Variants in RRBP1 observed in about 807,000 individuals in gnomAD.
The protein encoded by RRBP1 is ribosome-binding protein 1.
A neutral mutation model predicts 165.2 loss-of-function variants in RRBP1; 94 were observed. The observed-to-expected ratio is 0.57, with a 90% CI of 0.48 to 0.68. The LOEUF is 0.68. Ranked by LOEUF, RRBP1 falls within the 30% of genes least tolerant of loss-of-function variation. The pLI is 0.00. For missense variants in RRBP1, 1,676 were observed against 1,763.0 expected, an observed-to-expected ratio of 0.95 and a Z score of 0.88; for synonymous variants, 680 against 714.5, an observed-to-expected ratio of 0.95 and a Z score of 0.77.
intron 22 of RRBP1, 110 bp from the exon 23 acceptor site, chr20:17,615,639 G>C (rs1320402289): frequency 1.3e-6 from 1 of 759,666 alleles, no homozygotes; most frequent in Non-Finnish European, 2.1e-6. Context: ...GCCTGATGGA[G>C]CAACAGCTCC....
At chr20:17,630,090 G>T in intron 8 of RRBP1, 129 bp from the exon 9 acceptor site, 1 of 958,896 alleles carries the variant, frequency 1.0e-6, no homozygotes, top group Non-Finnish European at 1.5e-6. Context: ...CATGTGGGAA[G>T]GAAATGCATC....
Position 17,643,217 on chromosome 20 carries a change from T to A in RRBP1, c.1913-90A>T. On this transcript the variant is annotated intron_variant, in intron 3 of 24. Transcript: ENST00000377813. The surrounding 1 kb of genome is among the most constrained non-coding windows in gnomAD (Gnocchi z 4.3). ...GCCCATCACACCAAGAAGGTTCTGGTCACAGCCACGAAGAGCTCTCTGACT... is the reference window on the plus strand; with the variant it reads ...GCCCATCACACCAAGAAGGTTCTGGACACAGCCACGAAGAGCTCTCTGACT... 1 of 1,401,198 alleles carries A rather than the reference T, an allele frequency of 7.1e-7. No individual in the cohort carries two copies. Among genetic ancestry groups the A allele is most frequent in the South Asian group, 1.3e-5 (1 of 77,290 alleles). The allele number at this position is 1,401,198 out of a possible 1,614,324, so 86.8% of individuals were successfully genotyped here. A position where few individuals can be genotyped will look rare whatever the true frequency, so the allele number is the denominator to read the frequency against.
chr20:17,621,426 G>C, intron 16 of RRBP1, 32 bp downstream of exon 16: 1 of 1,562,852 alleles, frequency 6.4e-7, no homozygotes, highest in Non-Finnish European at 8.8e-7. Flanking sequence ...AGCCTCCCAG[G>C]GATGCCCAGC....
intron 3 of RRBP1, among the ~76,000 whole-genome samples, chr20:17,651,826 T>A (rs545608154): frequency 6.6e-6 from 1 of 152,248 alleles, no homozygotes; most frequent in Non-Finnish European, 1.5e-5. Flanking sequence ...AATACAGCCA[T>A]GGACAAGTGG....
At chr20:17,618,742 CG>C in intron 19 of RRBP1, 63 bp from the exon 20 acceptor site, 1 of 1,262,366 alleles carries the variant, frequency 7.9e-7, no homozygotes, top group Non-Finnish European at 1.2e-6. Flanking sequence ...AACCAGTCCC[CG>C]TGAGTTAGCG....
intron 1 of RRBP1, 119 bp downstream of exon 1, chr20:17,681,909 G>T (rs972488387): frequency 1.4e-4 from 21 of 147,534 alleles, no homozygotes; most frequent in Non-Finnish European, 2.7e-4. Context: ...CGGGCGGCGG[G>T]CGGGCCGGGG....
intron 5 of RRBP1, among the ~76,000 whole-genome samples, chr20:17,638,365 G>A (rs1375843964): frequency 1.3e-5 from 2 of 152,222 alleles, no homozygotes; most frequent in African/African-American, 4.8e-5. Context: ...GGCTGGTTGG[G>A]AAGCCACACT....
At chr20:17,679,672 G>C (rs1301410083) in intron 2 of RRBP1, among the ~76,000 whole-genome samples, 1 of 152,196 alleles carries the variant, frequency 6.6e-6, no homozygotes, top group Non-Finnish European at 1.5e-5. Flanking sequence ...GCAGCCTGTT[G>C]AGTTAGGGCT....
chr20:17,672,138 C>T (rs185237501), intron 2 of RRBP1, among the ~76,000 whole-genome samples: 138 of 152,246 alleles, frequency 9.1e-4, no homozygotes, highest in Non-Finnish European at 1.7e-3. Context: ...TAGAGGTGGG[C>T]AGAGCTTCTA....
intron 7 of RRBP1, among the ~76,000 whole-genome samples, chr20:17,634,405 T>C (rs968222895): frequency 2.0e-5 from 3 of 152,166 alleles, no homozygotes; most frequent in Non-Finnish European, 2.9e-5. Context: ...GGGGGCTGCC[T>C]CGTCTGTACC....
chr20:17,678,356 C>A (rs2037120301), intron 2 of RRBP1, among the ~76,000 whole-genome samples: 1 of 152,172 alleles, frequency 6.6e-6, no homozygotes, highest in South Asian at 2.1e-4. Context: ...ATGCTGAGGG[C>A]ATTGGGTAAA....
At chr20:17,651,127 T>C (rs1415961183) in intron 3 of RRBP1, among the ~76,000 whole-genome samples, 3 of 152,186 alleles carry the variant, frequency 2.0e-5, no homozygotes, top group Non-Finnish European at 2.9e-5. Flanking sequence ...TAGTAAAGAA[T>C]TTGTGCCTTT....
chr20:17,628,127 G>A (rs573011291), intron 9 of RRBP1, among the ~76,000 whole-genome samples: 9 of 152,160 alleles, frequency 5.9e-5, no homozygotes, highest in Middle Eastern at 6.8e-3. Flanking sequence ...GAAAGGCCAG[G>A]GGGTGACTCT....
intron 8 of RRBP1, among the ~76,000 whole-genome samples, chr20:17,630,981 G>A (rs1170096216): frequency 6.6e-6 from 1 of 152,232 alleles, no homozygotes; most frequent in Non-Finnish European, 1.5e-5. Flanking sequence ...GGCGTGGCTG[G>A]AGCCAGTGAA....
chr20:17,681,716 G>A (rs556932772), intron 1 of RRBP1, among the ~76,000 whole-genome samples: 3,025 of 150,516 alleles, frequency 0.02, 109 homozygotes, highest in African/African-American at 0.068. Context: ...TGCCGGGAGG[G>A]AGGGAGGCAG....
chr20:17,638,809 G>A (rs3790320), intron 5 of RRBP1, among the ~76,000 whole-genome samples: 46,175 of 151,882 alleles, frequency 0.3, 8,599 homozygotes, highest in Middle Eastern at 0.5. Flanking sequence ...TCTTCCAGGC[G>A]CTGTTCCCTA....
chr20:17,629,988 G>A (rs1423707570), intron 8 of RRBP1, 27 bp from the exon 9 acceptor site: 2 of 1,582,770 alleles, frequency 1.3e-6, no homozygotes, highest in Admixed American at 1.7e-5. Context: ...GAGTGGGGCA[G>A]TGAAGACGTG....
rs779809041 is a variant in RRBP1, at chr20:17,660,346, G to T, written c.162C>A (p.His54Gln). The change falls in exon 3 of 25, where the codon CAC becomes CAA. Residue 54 changes from histidine to glutamine, a missense_variant. Transcript: ENST00000377813. ...NQRKEMAKTHHQKVEKKKKEK... is the reference protein window; with the variant it reads ...NQRKEMAKTHQQKVEKKKKEK... ...CCTTCTTTTTCTTCTCGACTTTCTG[G>T]TGGTGAGTTTTCGCCATCTCCTTGC... 1.9e-6 allele frequency: 3 copies of T among 1,613,770 alleles called. No homozygotes were observed. The highest frequency in any genetic ancestry group is 1.1e-5 in the South Asian group (1 of 91,040).
At position 17,658,883 on chromosome 20, in the gene RRBP1, C is replaced by T. The variant is rs1417366269; in HGVS notation, c.1625G>A (p.Gly542Glu). ...RSPNQGKKGE[G>E]APIQGKKADS... ...TGCCTTTTTGCCCTGGATGGGAGCT[C>T]CCTCTCCTTTTTTGCCTTGGTTGGG... The change falls in exon 3 of 25, where the codon GGA becomes GAA. Residue 542 changes from glycine to glutamate, a missense_variant. Transcript: ENST00000377813. 2.5e-6 allele frequency: 4 copies of T among 1,613,450 alleles called. No homozygotes were observed. Among genetic ancestry groups the T allele is most frequent in the Non-Finnish European group, 3.4e-6 (4 of 1,179,902 alleles).
Sources: allele counts gnomAD v4.1 joint callset (sites outside exome capture counted in the v4.1 genomes callset), GRCh38; gene constraint gnomAD v4.1.1; non-coding constraint Gnocchi (gnomAD v3.1); transcripts MANE v1.5; gene names NCBI Gene and HGNC (gene_info 2026-07-23, HGNC 2026-07-21).